PACRG: variants seen among roughly 807,000 people sequenced by gnomAD.
PACRG encodes parkin coregulated gene protein.
A neutral mutation model predicts 29.7 loss-of-function variants in PACRG; 29 were observed. That is an observed-to-expected ratio of 0.98 (90% CI 0.73 to 1.33). The LOEUF (loss-of-function observed/expected upper bound fraction) is 1.33, where lower values mean the gene tolerates loss of function less well. Among genes scored for constraint, PACRG ranks in the 40% most tolerant of loss-of-function variants. The pLI, the probability that PACRG is intolerant of heterozygous loss-of-function variation, is 0.00. For synonymous variants in PACRG, 116 were observed against 118.7 expected, an observed-to-expected ratio of 0.98 and a Z score of 0.15; for missense variants, 279 against 316.2, an observed-to-expected ratio of 0.88 and a Z score of 0.89.
chr6:163,197,417 C>CTGTTTTCTTT (rs1477046488), intron 4 of PACRG, among the ~76,000 whole-genome samples: 4 of 141,616 alleles, frequency 2.8e-5, no homozygotes, highest in Non-Finnish European at 6.1e-5. Flanking sequence ...AAACTGGTGG[C>CTGTTTTCTTT]TATTTTCTTT....
At chr6:162,944,187 C>G (rs1457788170) in intron 2 of PACRG, among the ~76,000 whole-genome samples, 2 of 152,154 alleles carry the variant, frequency 1.3e-5, no homozygotes, top group Non-Finnish European at 2.9e-5. Flanking sequence ...CCGTAAGCCA[C>G]TGAGGAAATT....
At chr6:163,224,049 A>G (rs1000791956) in intron 4 of PACRG, among the ~76,000 whole-genome samples, 2 of 152,140 alleles carry the variant, frequency 1.3e-5, no homozygotes, top group African/African-American at 4.8e-5. Flanking sequence ...AACACCCTGA[A>G]TAGCCAAAGC....
chr6:162,861,897 C>A (rs1394308963), intron 2 of PACRG, among the ~76,000 whole-genome samples: 1 of 152,144 alleles, frequency 6.6e-6, no homozygotes, highest in African/African-American at 2.4e-5. Context: ...GGAGTCTGCA[C>A]AGAGTGGGAT....
At chr6:163,301,479 TA>T (rs557622186) in intron 4 of PACRG, among the ~76,000 whole-genome samples, 2 of 152,130 alleles carry the variant, frequency 1.3e-5, no homozygotes, top group Admixed American at 6.6e-5. Context: ...CAGTCTAGAC[TA>T]AAAAAACTCA....
At chr6:163,049,951 T>C (rs1467630965) in intron 2 of PACRG, among the ~76,000 whole-genome samples, 1 of 151,554 alleles carries the variant, frequency 6.6e-6, no homozygotes, top group African/African-American at 2.4e-5. Context: ...TACAAGATAC[T>C]TTTTTTTTAA....
Position 163,237,174 on chromosome 6 carries a change from G to T in PACRG, c.614-77653G>T, listed in dbSNP as rs555348973. ...ATTTCCTTTAATTACTTAGCATGAT[G>T]AATTTCATCAAACCTAAATATATAT... On this transcript the variant is annotated intron_variant, in intron 4 of 4. Coordinates refer to ENST00000366888, the MANE Select transcript of PACRG (RefSeq NM_001080379.2). Among the ~76,000 whole-genome samples, 3 of 152,044 alleles carry T rather than the reference G, an allele frequency of 2.0e-5. No homozygotes were observed. The South Asian group carries it at 6.3e-4, about 32-fold the overall frequency.
intron 2 of PACRG, among the ~76,000 whole-genome samples, chr6:163,042,385 A>G (rs1311657590): frequency 6.6e-6 from 1 of 152,160 alleles, no homozygotes; most frequent in Non-Finnish European, 1.5e-5. Context: ...TCACTGTGAG[A>G]AGAGAGACAC....
At chr6:162,807,410 T>G (rs1350419834) in intron 1 of PACRG, among the ~76,000 whole-genome samples, 1 of 152,186 alleles carries the variant, frequency 6.6e-6, no homozygotes, top group Non-Finnish European at 1.5e-5. Flanking sequence ...AGCTTTTGAT[T>G]CAGAGGAAGA....
intron 2 of PACRG, among the ~76,000 whole-genome samples, chr6:162,924,512 A>G (rs187634367): frequency 1.6e-4 from 24 of 152,218 alleles, no homozygotes; most frequent in African/African-American, 5.8e-4. Context: ...GAATGATGCT[A>G]ATTGTGGATC....
intron 3 of PACRG, among the ~76,000 whole-genome samples, chr6:163,077,278 G>C (rs6942182): frequency 0.036 from 5,527 of 152,218 alleles, 328 homozygotes; most frequent in African/African-American, 0.12. Flanking sequence ...AGATGGCCTA[G>C]TAGGAGGAGA....
chr6:162,919,074 G>A (rs529394484), intron 2 of PACRG, among the ~76,000 whole-genome samples: 3 of 152,164 alleles, frequency 2.0e-5, no homozygotes, highest in Admixed American at 2.0e-4. Context: ...GGAGTTAGAG[G>A]TAGACCACTC....
intron 1 of PACRG, among the ~76,000 whole-genome samples, chr6:162,757,448 T>C (rs965211335): frequency 2.0e-5 from 3 of 152,112 alleles, no homozygotes; most frequent in Non-Finnish European, 4.4e-5. Flanking sequence ...GTCAGGAGTT[T>C]GAGACCAGCC....
intron 4 of PACRG, among the ~76,000 whole-genome samples, chr6:163,274,711 A>G (rs572126624): frequency 6.6e-6 from 1 of 152,268 alleles, no homozygotes; most frequent in South Asian, 2.1e-4. Flanking sequence ...CTAACTTTTT[A>G]ATGATCACCG....
intron 4 of PACRG, among the ~76,000 whole-genome samples, chr6:163,284,155 T>C (rs553312914): frequency 6.6e-6 from 1 of 152,358 alleles, no homozygotes; most frequent in African/African-American, 2.4e-5. Flanking sequence ...AGATTTATTT[T>C]GAATTTTTAA....
At chr6:163,180,893 C>A (rs767875642) in intron 4 of PACRG, among the ~76,000 whole-genome samples, 1 of 152,214 alleles carries the variant, frequency 6.6e-6, no homozygotes, top group Non-Finnish European at 1.5e-5. Flanking sequence ...GTGTGTTTCA[C>A]CCGCTTGGCG....
chr6:162,728,362 A>T lies in PACRG; in HGVS notation c.127A>T (p.Thr43Ser). ...QPHSLVSEGFTVKAMMKNSVV... is the reference protein window; with the variant it reads ...QPHSLVSEGFSVKAMMKNSVV... ...TCACTCTCTGGTTTCTGAGGGTTTC[A>T]CAGTCAAAGCCATGATGAAAAACTC... The change falls in exon 1 of 5, where the codon ACA becomes TCA. Residue 43 changes from threonine (T) to serine (S), a missense_variant. Transcript: ENST00000366888. The T allele has an allele frequency of 6.2e-7, 1 of 1,613,534 alleles. No homozygotes were observed.
intron 4 of PACRG, among the ~76,000 whole-genome samples, chr6:163,161,859 G>A (rs1271353066): frequency 2.0e-5 from 3 of 152,186 alleles, no homozygotes; most frequent in Admixed American, 2.0e-4. Context: ...GGGGCTGCTT[G>A]TCGAGTATTT....
intron 2 of PACRG, among the ~76,000 whole-genome samples, chr6:162,870,129 T>A (rs895495867): frequency 6.6e-6 from 1 of 152,180 alleles, no homozygotes; most frequent in Non-Finnish European, 1.5e-5. Flanking sequence ...GAAATCCAGG[T>A]GACTGTCACT....
chr6:162,929,105 T>C (rs531606429), intron 2 of PACRG, among the ~76,000 whole-genome samples: 2 of 152,230 alleles, frequency 1.3e-5, no homozygotes, highest in East Asian at 3.9e-4. Flanking sequence ...TTTAATATAT[T>C]GATTCCCTTT....
Sources: allele counts gnomAD v4.1 joint callset (sites outside exome capture counted in the v4.1 genomes callset), GRCh38; gene constraint gnomAD v4.1.1; transcripts MANE v1.5; gene names NCBI Gene and HGNC (gene_info 2026-07-23, HGNC 2026-07-21).